The following CR1 variants were observed in gnomAD, a reference collection of about 807,000 sequenced individuals.
CR1 encodes complement receptor type 1.
A neutral mutation model predicts 187.3 loss-of-function variants in CR1; 116 were observed. That is an observed-to-expected ratio of 0.62 (90% CI 0.53 to 0.72). The LOEUF is 0.72. CR1 is among the 30% of genes least tolerant of loss of function. The probability of loss-of-function intolerance (pLI) is 0.00; values close to 1 mark genes in which losing one functional copy is unlikely to be tolerated. For missense variants in CR1, 1,731 were observed against 2,110.7 expected, an observed-to-expected ratio of 0.82 and a Z score of 3.52; for synonymous variants, 576 against 747.1, an observed-to-expected ratio of 0.77 and a Z score of 3.73.
At chr1:207,637,526 C>T (rs59288092) in intron 46 of CR1, among the ~76,000 whole-genome samples, 4,841 of 152,164 alleles carry the variant, frequency 0.032, 197 homozygotes, top group African/African-American at 0.11. Flanking sequence ...AGTGACATCC[C>T]GCTTACCATG....
At chr1:207,500,616 T>C (rs536740243) in intron 1 of CR1, among the ~76,000 whole-genome samples, 1 of 152,326 alleles carries the variant, frequency 6.6e-6, no homozygotes, top group Admixed American at 6.5e-5. Context: ...ATGAAAAAGA[T>C]TGACCGAGCC....
In CR1 at chr1:207,609,356, T is replaced by C; in HGVS notation, c.5963T>C (p.Phe1988Ser). 6.2e-7 allele frequency: 1 copy of C among 1,614,010 alleles called. No individual in the cohort carries two copies. Residue 1988 changes from phenylalanine (F) to serine (S), a missense_variant, in exon 37 of 47, where the codon TTT (phenylalanine) becomes TCT (serine). Transcript: ENST00000367049. ...TTCTACAGCAACAATAGAACATCTT[T>C]TCACAATGGAACGGTGGTAACTTAC... is the stretch of plus-strand genomic sequence containing the variant. ...GDFYSNNRTS[F>S]HNGTVVTYQC...
chr1:207,514,624 A>G (rs1659725790), intron 4 of CR1, among the ~76,000 whole-genome samples: 1 of 152,208 alleles, frequency 6.6e-6, no homozygotes, highest in Non-Finnish European at 1.5e-5. Context: ...ACCAGTTTAT[A>G]GTATTTTGTT....
In CR1 at chr1:207,581,285, T is replaced by C. The variant is rs113520313; in HGVS notation, c.5217-633T>C. Among the ~76,000 whole-genome samples, 768 of 138,684 alleles carry C rather than the reference T, an allele frequency of 5.5e-3. 4 individuals carry two copies. Among genetic ancestry groups the C allele is most frequent in the African/African-American group, 0.018 (644 of 35,294 alleles). The allele number at this position is 138,684 out of a possible 152,430, so 91.0% of individuals were successfully genotyped here. ...AGACGTATACATATGGACACGTATATGTATACGTATACATATGGACACGTA... is the reference window on the plus strand; with the variant it reads ...AGACGTATACATATGGACACGTATACGTATACGTATACATATGGACACGTA... On this transcript the variant is annotated intron_variant, in intron 31 of 46. Transcript: ENST00000367049.
intron 36 of CR1, among the ~76,000 whole-genome samples, chr1:207,608,268 A>G (rs1327249163): frequency 6.6e-6 from 1 of 152,192 alleles, no homozygotes; most frequent in Non-Finnish European, 1.5e-5. Context: ...AAAGGTTGAG[A>G]TGCCTCATCC....
rs772875224 is a variant in CR1 at position 207,506,025 on chromosome 1, G to A, written c.243G>A (p.Pro81=). ...YECRPGYSGR[P]FSIICLKNSV... Reference sequence around the variant, plus strand: ...GCCGCCCTGGTTATTCCGGAAGACCGTTTTCTATCATCTGCCTAAAAAACT... The same window carrying A: ...GCCGCCCTGGTTATTCCGGAAGACCATTTTCTATCATCTGCCTAAAAAACT... Residue 81 remains proline, a synonymous_variant, in exon 2 of 47, where the codon CCG becomes CCA. Coordinates refer to ENST00000367049, the MANE Select transcript of CR1 (RefSeq NM_000651.6). 2.9e-5 allele frequency: 47 copies of A among 1,613,760 alleles called. No individual in the cohort carries two copies. Among genetic ancestry groups the A allele is most frequent in the African/African-American group, 2.1e-4 (16 of 74,890 alleles).
chr1:207,572,489 T>A (rs1211297151), intron 27 of CR1, among the ~76,000 whole-genome samples: 2 of 151,976 alleles, frequency 1.3e-5, no homozygotes, highest in African/African-American at 2.4e-5. Context: ...TAAACCTTTT[T>A]TTAAAGTATG....
chr1:207,616,841 A>G lies in CR1; in HGVS notation c.6889+39A>G, dbSNP rs199544191. 2.2e-5 allele frequency: 36 copies of G among 1,601,860 alleles called. No homozygotes were observed. The African/African-American group carries it at 4.7e-4, about 21-fold the overall frequency. On this transcript the variant is annotated intron_variant, in intron 41 of 46. Transcript: ENST00000367049. ...TCCACATATCCTAAATGGGTTCAGA[A>G]TATCTAGGTAAGAACCTCCATATTT...
In CR1 at chr1:207,581,855, A is replaced by T. The variant is rs972791794; in HGVS notation, c.5217-63A>T. 3 of 1,125,982 alleles carry T rather than the reference A, an allele frequency of 2.7e-6. No individual in the cohort carries two copies. The Admixed American group carries it at 5.2e-5, about 20-fold the overall frequency. 69.7% of individuals were successfully genotyped at this position (1,125,982 alleles called of 1,614,324 possible). The stretch of plus-strand genomic sequence containing the variant: ...AGGAATTCTCAGGGAGGAGGTTGAG[A>T]TCTGTCACGAAGGGAAGAGAGAAAT... On this transcript the variant is annotated intron_variant, in intron 31 of 46. Transcript: ENST00000367049.
chr1:207,515,265 ACG>A (rs1491220034), intron 4 of CR1, among the ~76,000 whole-genome samples: 9 of 144,914 alleles, frequency 6.2e-5, no homozygotes, highest in South Asian at 2.2e-4. Context: ...ATATACGTAT[ACG>A]TATACATATA....
intron 4 of CR1, among the ~76,000 whole-genome samples, chr1:207,512,859 T>A (rs377310195): frequency 2.0e-5 from 3 of 152,362 alleles, no homozygotes; most frequent in South Asian, 4.1e-4. Flanking sequence ...TTTTTATCTC[T>A]GTTTCTACTT....
At chr1:207,615,112 T>C (rs1662055187) in intron 40 of CR1, among the ~76,000 whole-genome samples, 1 of 152,182 alleles carries the variant, frequency 6.6e-6, no homozygotes, top group African/African-American at 2.4e-5. Flanking sequence ...CCCAGCCAAA[T>C]TTTTATGTTC....
intron 32 of CR1, among the ~76,000 whole-genome samples, chr1:207,583,611 G>A (rs919998613): frequency 6.6e-6 from 1 of 152,080 alleles, no homozygotes; most frequent in African/African-American, 2.4e-5. Context: ...TCTGATCATA[G>A]CTATTAAAAA....
intron 1 of CR1, among the ~76,000 whole-genome samples, chr1:207,498,482 A>G (rs1313497540): frequency 6.6e-6 from 1 of 152,238 alleles, no homozygotes; most frequent in East Asian, 1.9e-4. Context: ...CTGCAAATAG[A>G]TATTGCAAAT....
At position 207,567,925 on chromosome 1, in the gene CR1, C is replaced by A; in HGVS notation, c.4054C>A (p.Pro1352Thr). The A allele has an allele frequency of 1.9e-6, 3 of 1,610,600 alleles. No homozygotes were observed. Among genetic ancestry groups the A allele is most frequent in the Non-Finnish European group, 2.5e-6 (3 of 1,179,632 alleles). ...FGKAVNYTCD[P>T]HPDRGTSFDL... ...AAAAGCAGTAAATTACACATGCGAC[C>A]CCCACCCAGACAGAGGGACGAGCTT... Residue 1352 changes from proline (P) to threonine (T), a missense_variant, in exon 25 of 47, where the codon CCC becomes ACC. Pro to Thr is a conservative substitution (Grantham distance 38). Coordinates refer to ENST00000367049, the MANE Select transcript of CR1 (RefSeq NM_000651.6).
chr1:207,522,867 C>T (rs1660039632), intron 4 of CR1, among the ~76,000 whole-genome samples: 1 of 152,126 alleles, frequency 6.6e-6, no homozygotes, highest in Admixed American at 6.5e-5. Context: ...TTTATAGCAA[C>T]ACAGTATACT....
intron 35 of CR1, among the ~76,000 whole-genome samples, chr1:207,605,243 G>T (rs1363874292): frequency 7.5e-6 from 1 of 133,690 alleles, no homozygotes; most frequent in Non-Finnish European, 1.6e-5. Context: ...CTGGGTGATA[G>T]ATCCAGACCC....
chr1:207,635,732 A>G (rs1411561230), intron 46 of CR1, among the ~76,000 whole-genome samples: 1 of 152,190 alleles, frequency 6.6e-6, no homozygotes, highest in Non-Finnish European at 1.5e-5. Flanking sequence ...TCACATGGGG[A>G]AAAACCTTGG....
At chr1:207,582,105 G>T in intron 32 of CR1, 102 bp downstream of exon 32, 2 of 691,272 alleles carry the variant, frequency 2.9e-6, no homozygotes, top group Non-Finnish European at 2.4e-6. Context: ...GTTTGTGCCC[G>T]CTTTTGATAG....
Sources: allele counts gnomAD v4.1 joint callset (sites outside exome capture counted in the v4.1 genomes callset), GRCh38; gene constraint gnomAD v4.1.1; transcripts MANE v1.5; gene names NCBI Gene and HGNC (gene_info 2026-07-23, HGNC 2026-07-21).